The following STAT5B variants were observed in gnomAD, a reference collection of about 807,000 sequenced individuals.
The protein encoded by STAT5B is signal transducer and activator of transcription 5B.
A neutral mutation model predicts 107.8 loss-of-function variants in STAT5B; 21 were observed. The ratio of observed to expected loss-of-function variants is 0.19; its 90% confidence interval spans 0.14 to 0.28. The LOEUF (loss-of-function observed/expected upper bound fraction) is 0.28. Ranked by LOEUF, STAT5B falls within the 10% of genes least tolerant of loss-of-function variation. STAT5B has a pLI of 1.00. For synonymous variants in STAT5B, 325 were observed against 401.7 expected, an observed-to-expected ratio of 0.81 and a Z score of 2.28; for missense variants, 565 against 1,008.2, an observed-to-expected ratio of 0.56 and a Z score of 5.95.
chr17:42,228,233 A>C (rs2080290065), intron 2 of STAT5B, among the ~76,000 whole-genome samples: 2 of 152,212 alleles, frequency 1.3e-5, no homozygotes, highest in African/African-American at 4.8e-5. Context: ...ACAAGAATTT[A>C]TACGAGTCAG....
At chr17:42,257,700 A>C (rs2080558298) in intron 1 of STAT5B, among the ~76,000 whole-genome samples, 1 of 152,214 alleles carries the variant, frequency 6.6e-6, no homozygotes, top group South Asian at 2.1e-4. Context: ...GGAGTTAAAA[A>C]TTCACAATGG....
intron 1 of STAT5B, among the ~76,000 whole-genome samples, chr17:42,267,181 C>T (rs1309507188): frequency 6.6e-6 from 1 of 152,166 alleles, no homozygotes; most frequent in Non-Finnish European, 1.5e-5. Flanking sequence ...CTAGCACATA[C>T]AATTGCGTGC....
At chr17:42,270,454 T>C (rs1394376813) in intron 1 of STAT5B, 1 of 152,148 alleles carries the variant, frequency 6.6e-6, no homozygotes, top group East Asian at 1.9e-4. Flanking sequence ...AGACAGCTTA[T>C]AGCTCTTCTT....
chr17:42,277,946 C>T (rs1203241270), upstream of STAT5B, among the ~76,000 whole-genome samples: 1 of 151,800 alleles, frequency 6.6e-6, no homozygotes, highest in African/African-American at 2.4e-5. Flanking sequence ...GTAGTAGAGA[C>T]GGGGTTTCAC....
At chr17:42,210,639 T>C in intron 13 of STAT5B, 142 bp from the exon 14 acceptor site, 1 of 795,778 alleles carries the variant, frequency 1.3e-6, no homozygotes, top group South Asian at 1.4e-5. Context: ...TACCTGAGTT[T>C]TACCTAATGG....
chr17:42,242,586 A>G (rs1006482740), intron 1 of STAT5B, among the ~76,000 whole-genome samples: 1 of 150,888 alleles, frequency 6.6e-6, no homozygotes, highest in Non-Finnish European at 1.5e-5. Context: ...GTGAGACTCT[A>G]ATCAATGATC....
chr17:42,262,776 G>GTA (rs1190339384), intron 1 of STAT5B, among the ~76,000 whole-genome samples: 9 of 126,168 alleles, frequency 7.1e-5, no homozygotes, highest in African/African-American at 2.1e-4. Flanking sequence ...ATACATATAT[G>GTA]TATATATATA....
chr17:42,217,738 G>GAGTGC (rs1450822217), intron 9 of STAT5B: 7 of 490,708 alleles, frequency 1.4e-5, no homozygotes, highest in Non-Finnish European at 2.2e-5. Context: ...GCCCAGGCTG[G>GAGTGC]AGTGCAGTGG....
intron 5 of STAT5B, among the ~76,000 whole-genome samples, chr17:42,222,740 G>C (rs1216753110): frequency 6.7e-6 from 1 of 149,754 alleles, no homozygotes; most frequent in Admixed American, 6.7e-5. Flanking sequence ...GGAGTGCAAT[G>C]GTGAGATCTC....
intron 2 of STAT5B, among the ~76,000 whole-genome samples, chr17:42,231,751 T>C (rs531011851): frequency 2.0e-5 from 3 of 152,204 alleles, no homozygotes; most frequent in Non-Finnish European, 4.4e-5. Flanking sequence ...TTTTAGACAG[T>C]ATTTACTATT....
At chr17:42,234,270 T>A (rs1230593751) in intron 1 of STAT5B, 1 of 152,162 alleles carries the variant, frequency 6.6e-6, no homozygotes, top group Admixed American at 6.5e-5. Context: ...GAGTGCCAGT[T>A]ATCTATTTTA....
intron 17 of STAT5B, 91 bp from the exon 18 acceptor site, chr17:42,202,538 A>C (rs2080053873): frequency 6.7e-7 from 1 of 1,498,486 alleles, no homozygotes; most frequent in African/African-American, 1.4e-5. Flanking sequence ...TGTCTTTCTC[A>C]GGGTGTAGAA....
the STAT5B span, among the ~76,000 whole-genome samples, chr17:42,285,667 A>C: frequency 6.6e-6 from 1 of 151,824 alleles, no homozygotes; most frequent in African/African-American, 2.4e-5. Flanking sequence ...GCAAAAAGAA[A>C]CCCCAAATTT....
Position 42,207,664 on chromosome 17 carries a change from G to C in STAT5B, c.1971C>G (p.Ala657=). The change falls in exon 16 of 19, where the codon GCC becomes GCG. Residue 657 remains alanine (A), a synonymous_variant. Coordinates refer to ENST00000293328, the MANE Select transcript of STAT5B (RefSeq NM_012448.4). The part of the protein sequence containing the change: ...TTRDFSIRSL[A]DRLGDLNYLI... ...GGTAATTCAAGTCTCCCAAGCGGTCGGCTAGGGACCGAATGGAGAAGTCTC... is the reference window on the plus strand; with the variant it reads ...GGTAATTCAAGTCTCCCAAGCGGTCCGCTAGGGACCGAATGGAGAAGTCTC... 1.2e-6 allele frequency: 2 copies of C among 1,614,084 alleles called. No homozygotes were observed. The highest frequency in any genetic ancestry group is 8.5e-7 in the Non-Finnish European group (1 of 1,180,018).
chr17:42,282,934 C>T, the STAT5B span, among the ~76,000 whole-genome samples: 248 of 152,196 alleles, frequency 1.6e-3, 1 homozygote, highest in Middle Eastern at 3.4e-3. Context: ...AAAGCCTGGC[C>T]GAAGCACTTT....
In STAT5B at chr17:42,207,589, G is replaced by A. The variant is rs777984202; in HGVS notation, c.2046C>T (p.Tyr682=). Residue 682 remains tyrosine, a synonymous_variant, in exon 16 of 19, where the codon TAC becomes TAT. Transcript: ENST00000293328. ...DRPKDEVYSK[Y]YTPVPCESAT... ...CAGACTCGCAGGGAACTGGTGTGTA[G>A]TATTTGGAGTATACTTCATCTTTTG... 3 of 1,613,756 alleles carry A rather than the reference G, an allele frequency of 1.9e-6. No homozygotes were observed. The highest frequency in any genetic ancestry group is 2.5e-6 in the Non-Finnish European group (3 of 1,179,992).
At chr17:42,276,943 A>G (rs4029774), upstream of STAT5B, among the ~76,000 whole-genome samples, 55,672 of 152,136 alleles carry the variant, frequency 0.37, 11,612 homozygotes, top group African/African-American at 0.57. The surrounding 1 kb of genome is among the most constrained non-coding windows in gnomAD (Gnocchi z 4.8). Context: ...CACGGCAGGA[A>G]TTCACATTCG....
intron 12 of STAT5B, among the ~76,000 whole-genome samples, chr17:42,213,668 T>C (rs546809738): frequency 6.6e-6 from 1 of 151,440 alleles, no homozygotes; most frequent in African/African-American, 2.4e-5. Context: ...GCTGGGATCA[T>C]AGGCACGCAC....
chr17:42,272,279 T>C (rs1253904096), intron 1 of STAT5B: 2 of 152,240 alleles, frequency 1.3e-5, no homozygotes, highest in African/African-American at 4.8e-5. Flanking sequence ...ACACTGTGTA[T>C]GGCTTTTAAG....
Sources: allele counts gnomAD v4.1 joint callset (sites outside exome capture counted in the v4.1 genomes callset), GRCh38; gene constraint gnomAD v4.1.1; non-coding constraint Gnocchi (gnomAD v3.1); transcripts MANE v1.5; gene names NCBI Gene and HGNC (gene_info 2026-07-23, HGNC 2026-07-21).